Variants in NDUFAF1 observed in about 807,000 individuals in gnomAD.
NDUFAF1 encodes the protein NADH:ubiquinone oxidoreductase complex assembly factor 1, also known as complex I intermediate-associated protein 30, mitochondrial.
NDUFAF1 carries 18 observed loss-of-function variants against 28.7 expected under a neutral mutation model. The observed-to-expected ratio is 0.63, with a 90% CI of 0.43 to 0.93. The LOEUF (loss-of-function observed/expected upper bound fraction) is 0.93. NDUFAF1 is among the 40% of genes least tolerant of loss of function. The probability of loss-of-function intolerance (pLI) is 0.00; values close to 1 mark genes in which losing one functional copy is unlikely to be tolerated. For missense variants in NDUFAF1, 404 were observed against 398.3 expected (o/e 1.01, Z -0.12); for synonymous variants, 113 against 139.7 (o/e 0.81, Z 1.35).
intron 4 of NDUFAF1, 92 bp downstream of exon 4, chr15:41,388,356 C>G: frequency 9.7e-7 from 1 of 1,032,534 alleles, no homozygotes; most frequent in South Asian, 1.3e-5. Flanking sequence ...AAATATTCAT[C>G]TGCCAGCCTT....
intron 1 of NDUFAF1, 145 bp from the exon 2 acceptor site, chr15:41,397,285 C>T (rs1392549559): frequency 3.8e-6 from 2 of 523,612 alleles, no homozygotes; most frequent in Non-Finnish European, 6.8e-6. Flanking sequence ...AGGTCTTGCT[C>T]TGTGGCCCAG....
In NDUFAF1 at chr15:41,396,906, G is replaced by A; in HGVS notation, c.154C>T (p.Gln52Ter). Residue 52 changes from glutamine (Q) to a stop codon, truncating the protein, a stop_gained, in exon 2 of 5, where the codon CAG becomes TAG. Transcript: ENST00000260361. LOFTEE classifies it high-confidence loss of function. ...TGCAAATCCCCTTCAGTCTTCCTCT[G>A]TGAGGAGGCTTTGCCAGGAGAAGCC... is the stretch of plus-strand genomic sequence containing the variant. The part of the protein sequence containing the change: ...PVASPGKASS[Q>*]RKTEGDLQGD... 1 of 1,614,126 alleles carries A rather than the reference G, an allele frequency of 6.2e-7. No individual in the cohort carries two copies. Among genetic ancestry groups the A allele is most frequent in the Non-Finnish European group, 8.5e-7 (1 of 1,180,016 alleles).
Position 41,397,106 on chromosome 15 carries a change from C to T in NDUFAF1, c.-47G>A, listed in dbSNP as rs2050400264. ...AAGTTTCTTCCTGGGCTAGCAAGGG[C>T]CACCAAGAAGCTTCAGCAAATAGCC... is the stretch of plus-strand genomic sequence containing the variant. On this transcript the variant is annotated 5_prime_UTR_variant, in exon 2 of 5. Coordinates refer to ENST00000260361, the MANE Select transcript of NDUFAF1 (RefSeq NM_016013.4). The T allele has an allele frequency of 1.9e-6, 3 of 1,555,130 alleles. No individual in the cohort carries two copies. Among genetic ancestry groups the T allele is most frequent in the South Asian group, 1.1e-5 (1 of 88,736 alleles).
rs2050392907 is a variant in NDUFAF1, at chr15:41,396,694, C to T, written c.366G>A (p.Lys122=). The change falls in exon 2 of 5, where the codon AAG becomes AAA. Residue 122 remains lysine (K), a synonymous_variant. Transcript: ENST00000260361. ...PLHEVLLEQA[K]VVWQFRGKED... is the part of the protein sequence containing the mutation. ...CTTTCCCCCGGAATTGCCAGACAAC[C>T]TTGGCTTGTTCCAGCAAGACCTCAT... 1 of 1,614,042 alleles carries T rather than the reference C, an allele frequency of 6.2e-7. No homozygotes were observed. The highest frequency in any genetic ancestry group is 1.3e-5 in the African/African-American group (1 of 74,902).
At chr15:41,394,800 G>A (rs536051343) in intron 3 of NDUFAF1, 59 bp downstream of exon 3, 6 of 1,578,164 alleles carry the variant, frequency 3.8e-6, no homozygotes, top group Non-Finnish European at 5.2e-6. Context: ...TTATAGGCGT[G>A]AGCCACCTCA....
At chr15:41,395,104 T>A in intron 2 of NDUFAF1, 60 bp from the exon 3 acceptor site, 1 of 1,511,504 alleles carries the variant, frequency 6.6e-7, no homozygotes, top group Non-Finnish European at 9.1e-7. Context: ...AAAATGTGAG[T>A]CATCACCAAG....
chr15:41,388,805 T>A (rs1340914700), intron 3 of NDUFAF1, among the ~76,000 whole-genome samples: 1 of 151,424 alleles, frequency 6.6e-6, no homozygotes, highest in Non-Finnish European at 1.5e-5. Context: ...CTTTGTTGCC[T>A]GAACCCGGGA....
In NDUFAF1 at chr15:41,396,524, C is replaced by G. The variant is rs576430165; in HGVS notation, c.536G>C (p.Arg179Pro). ...SEAPQDGEST[R>P]SGYCAMISRI... Reference sequence around the variant, plus strand: ...GGATATCATTGCACAGTACCCACTTCGGGTAGACTCCCCGTCCTGAGGCGC... The same window carrying G: ...GGATATCATTGCACAGTACCCACTTGGGGTAGACTCCCCGTCCTGAGGCGC... The change falls in exon 2 of 5, where the codon CGA (arginine) becomes CCA (proline). Residue 179 changes from arginine to proline, a missense_variant. Coordinates refer to ENST00000260361, the MANE Select transcript of NDUFAF1 (RefSeq NM_016013.4). 5 of 1,614,060 alleles carry G rather than the reference C, an allele frequency of 3.1e-6. No individual in the cohort carries two copies. Among genetic ancestry groups the G allele is most frequent in the Non-Finnish European group, 4.2e-6 (5 of 1,180,050 alleles).
rs748023644 is a variant in NDUFAF1 at position 41,387,378 on chromosome 15, A to G, written c.*66T>C. On this transcript the variant is annotated 3_prime_UTR_variant, in exon 5 of 5. Coordinates refer to ENST00000260361, the MANE Select transcript of NDUFAF1 (RefSeq NM_016013.4). Reference sequence around the variant, plus strand: ...TTGGATGCCATTAAAGAAATATTTTATTTTGTCTATATCATTGTAGATGCT... The same window carrying G: ...TTGGATGCCATTAAAGAAATATTTTGTTTTGTCTATATCATTGTAGATGCT... 2 of 1,463,300 alleles carry G rather than the reference A, an allele frequency of 1.4e-6. No homozygotes were observed. The highest frequency in any genetic ancestry group is 1.7e-5 in the Admixed American group (1 of 58,498). 90.6% of individuals were successfully genotyped at this position (1,463,300 alleles called of 1,614,324 possible). A position where few individuals can be genotyped will look rare whatever the true frequency, so the allele number is the denominator to read the frequency against.
intron 2 of NDUFAF1, among the ~76,000 whole-genome samples, chr15:41,395,249 C>T (rs1281578872): frequency 4.6e-5 from 7 of 152,178 alleles, no homozygotes; most frequent in Non-Finnish European, 8.8e-5. Flanking sequence ...GTTCAACACA[C>T]AACTGGCCCA....
intron 3 of NDUFAF1, among the ~76,000 whole-genome samples, chr15:41,389,966 ATTTT>A (rs34963452): frequency 6.7e-6 from 1 of 149,106 alleles, no homozygotes; most frequent in African/African-American, 2.5e-5. Context: ...AGAAAAAAAA[ATTTT>A]TTTTTTTGAG....
At chr15:41,395,165 T>C (rs913343801) in intron 2 of NDUFAF1, 121 bp from the exon 3 acceptor site, 5 of 843,604 alleles carry the variant, frequency 5.9e-6, no homozygotes, top group South Asian at 1.4e-5. Flanking sequence ...TTCTGCCCCA[T>C]AAGAAGGCAC....
At chr15:41,392,173 A>G (rs1395036756) in intron 3 of NDUFAF1, among the ~76,000 whole-genome samples, 4 of 150,730 alleles carry the variant, frequency 2.7e-5, no homozygotes, top group African/African-American at 9.8e-5. Context: ...CTCAGGTTCA[A>G]GCGATTCTCC....
Position 41,398,536 on chromosome 15 carries a change from C to T in NDUFAF1, c.-81-1396G>A, listed in dbSNP as rs192054473. On this transcript the variant is annotated intron_variant, in intron 1 of 4. Coordinates refer to ENST00000260361, the MANE Select transcript of NDUFAF1 (RefSeq NM_016013.4). ...TGCTCTGTCACCCAGGCTGCAGCGC[C>T]GTGGCAAGATCGATAACTCATTGTA... 9.2e-5 allele frequency among the ~76,000 whole-genome samples: 14 copies of T among 151,770 alleles called. No homozygotes were observed. In the East Asian group the frequency reaches 1.9e-3, roughly 21 times the overall value.
intron 3 of NDUFAF1, among the ~76,000 whole-genome samples, chr15:41,393,823 G>A (rs1185461251): frequency 1.4e-5 from 2 of 147,864 alleles, no homozygotes; most frequent in African/African-American, 5.0e-5. Flanking sequence ...TGCCCACCTC[G>A]GCCTCCCAAA....
intron 1 of NDUFAF1, among the ~76,000 whole-genome samples, chr15:41,401,152 G>C (rs1289875735): frequency 1.3e-5 from 2 of 150,958 alleles, no homozygotes; most frequent in African/African-American, 4.9e-5. Flanking sequence ...TTTTTCAGTA[G>C]AGATGAGGTT....
intron 3 of NDUFAF1, among the ~76,000 whole-genome samples, chr15:41,389,280 C>T (rs112050299): frequency 0.029 from 4,037 of 140,024 alleles, 93 homozygotes; most frequent in Middle Eastern, 0.094. Flanking sequence ...TTGGTAGAGA[C>T]GGTGTTTCAC....
intron 4 of NDUFAF1, among the ~76,000 whole-genome samples, chr15:41,387,821 G>C (rs1306616215): frequency 6.6e-6 from 1 of 152,056 alleles, no homozygotes; most frequent in Non-Finnish European, 1.5e-5. Flanking sequence ...TGCCACTTAA[G>C]ACTAGGAAGG....
At chr15:41,397,449 G>A (rs932585100) in intron 1 of NDUFAF1, among the ~76,000 whole-genome samples, 36 of 151,992 alleles carry the variant, frequency 2.4e-4, no homozygotes, top group African/African-American at 8.5e-4. Flanking sequence ...GGATCTCCCT[G>A]GCCAGGCACG....
Sources: gnomAD v4.1 joint callset for allele counts (sites outside exome capture counted in the v4.1 genomes callset) on GRCh38, gnomAD v4.1.1 for gene constraint, MANE v1.5 for transcripts, NCBI Gene and HGNC (gene_info 2026-07-23, HGNC 2026-07-21) for gene names.